ADAMTS19: variants seen among roughly 807,000 people sequenced by gnomAD.
ADAMTS19 encodes ADAM metallopeptidase with thrombospondin type 1 motif 19, also known as A disintegrin and metalloproteinase with thrombospondin motifs 19.
Under a neutral mutation model 153.3 loss-of-function variants are expected in ADAMTS19, and 93 were observed. That is an observed-to-expected ratio of 0.61 (90% CI 0.51 to 0.72). The LOEUF (loss-of-function observed/expected upper bound fraction) is 0.72. ADAMTS19 is among the 30% of genes least tolerant of loss of function. The pLI, the probability that ADAMTS19 is intolerant of heterozygous loss-of-function variation, is 0.00. For missense variants in ADAMTS19, 1,482 were observed against 1,552.1 expected, an observed-to-expected ratio of 0.95 and a Z score of 0.76; for synonymous variants, 600 against 556.6, an observed-to-expected ratio of 1.08 and a Z score of -1.10.
At chr5:129,487,605 G>C (rs1431700315) in intron 2 of ADAMTS19, among the ~76,000 whole-genome samples, 1 of 151,954 alleles carries the variant, frequency 6.6e-6, no homozygotes, top group Non-Finnish European at 1.5e-5. Flanking sequence ...ATATATATGT[G>C]TGCTAATTAA....
At chr5:129,592,377 C>CAAAA (rs1169388973) in intron 7 of ADAMTS19, among the ~76,000 whole-genome samples, 94 of 79,564 alleles carry the variant, frequency 1.2e-3, no homozygotes, top group Middle Eastern at 0.011. Flanking sequence ...GTCTCCGTTT[C>CAAAA]AAAAAAAAAA....
chr5:129,533,616 T>C (rs6890915), intron 6 of ADAMTS19, among the ~76,000 whole-genome samples: 1,556 of 152,296 alleles, frequency 0.01, 20 homozygotes, highest in African/African-American at 0.034. Context: ...CTGATCTTAG[T>C]TATTTCTTGC....
intron 2 of ADAMTS19, among the ~76,000 whole-genome samples, chr5:129,482,385 G>A (rs1013193767): frequency 6.6e-6 from 1 of 152,118 alleles, no homozygotes; most frequent in African/African-American, 2.4e-5. Flanking sequence ...TAAGGAGTCA[G>A]TTTGAATTAC....
chr5:129,523,639 C>T (rs1751901903), intron 3 of ADAMTS19, among the ~76,000 whole-genome samples: 1 of 152,118 alleles, frequency 6.6e-6, no homozygotes, highest in South Asian at 2.1e-4. Context: ...GCACCATGTG[C>T]ATACAGGAAA....
intron 21 of ADAMTS19, among the ~76,000 whole-genome samples, chr5:129,712,574 A>G (rs1244626209): frequency 6.6e-6 from 1 of 152,134 alleles, no homozygotes; most frequent in Non-Finnish European, 1.5e-5. Flanking sequence ...TGCACTAAAG[A>G]GAATGGATTT....
In ADAMTS19 at chr5:129,706,129, C is replaced by T. The variant is rs185811238; in HGVS notation, c.3312+1738C>T. Reference sequence around the variant, plus strand: ...AGGGCAGGGAAAATCACCTGTTGCTCCCTTTCCATTGTAGGAACTCATTTG... The same window carrying T: ...AGGGCAGGGAAAATCACCTGTTGCTTCCTTTCCATTGTAGGAACTCATTTG... On this transcript the variant is annotated intron_variant, in intron 21 of 22. Coordinates refer to ENST00000274487, the MANE Select transcript of ADAMTS19 (RefSeq NM_133638.6). 6.6e-5 allele frequency among the ~76,000 whole-genome samples: 10 copies of T among 152,212 alleles called. No individual in the cohort carries two copies. In the East Asian group the frequency reaches 1.9e-3, roughly 29 times the overall value.
intron 21 of ADAMTS19, among the ~76,000 whole-genome samples, chr5:129,714,933 T>G (rs1313885162): frequency 1.3e-5 from 2 of 152,212 alleles, no homozygotes; most frequent in Non-Finnish European, 2.9e-5. Context: ...GTTATAGAAC[T>G]CATGATGCTA....
intron 13 of ADAMTS19, among the ~76,000 whole-genome samples, chr5:129,653,723 A>G (rs1448272414): frequency 6.6e-6 from 1 of 152,176 alleles, no homozygotes; most frequent in East Asian, 1.9e-4. Flanking sequence ...TTTTTTACAA[A>G]TGCAATTCTT....
intron 7 of ADAMTS19, among the ~76,000 whole-genome samples, chr5:129,595,217 T>G (rs567265942): frequency 1.3e-5 from 2 of 152,234 alleles, no homozygotes; most frequent in South Asian, 4.1e-4. Context: ...ACTTCAGATA[T>G]ACTTTCAGCT....
At chr5:129,566,966 T>C (rs1753738814) in intron 7 of ADAMTS19, among the ~76,000 whole-genome samples, 1 of 34,528 alleles carries the variant, frequency 2.9e-5, no homozygotes, top group Non-Finnish European at 6.9e-5. Flanking sequence ...CCATACTTTC[T>C]GAAAGCAGGA....
chr5:129,644,077 A>T (rs888010280), intron 11 of ADAMTS19, among the ~76,000 whole-genome samples: 2 of 152,204 alleles, frequency 1.3e-5, no homozygotes, highest in Non-Finnish European at 2.9e-5. Flanking sequence ...ATATAAACAT[A>T]ATTTGCAATC....
In ADAMTS19 at chr5:129,687,969, C is replaced by G. The variant is rs1218944293; in HGVS notation, c.2818+3696C>G. ...CTATATGATTTGTGCTTGAATAGATCTCCTCTTCCAACTCTGCTCCATTGT... is the reference window on the plus strand; with the variant it reads ...CTATATGATTTGTGCTTGAATAGATGTCCTCTTCCAACTCTGCTCCATTGT... On this transcript the variant is annotated intron_variant, in intron 18 of 22. Coordinates refer to ENST00000274487, the MANE Select transcript of ADAMTS19 (RefSeq NM_133638.6). 2.6e-5 allele frequency: 4 copies of G among 152,152 alleles called. No individual in the cohort carries two copies. The East Asian group carries it at 7.7e-4, about 29-fold the overall frequency. 9.4% of individuals were successfully genotyped at this position (152,152 alleles called of 1,614,324 possible). A position where few individuals can be genotyped will look rare whatever the true frequency, so the allele number is the denominator to read the frequency against.
At chr5:129,469,715 T>C (rs748945446) in intron 2 of ADAMTS19, among the ~76,000 whole-genome samples, 1 of 152,226 alleles carries the variant, frequency 6.6e-6, no homozygotes, top group Non-Finnish European at 1.5e-5. Context: ...TCAAGGTGTT[T>C]ACAGTTTTGA....
intron 15 of ADAMTS19, among the ~76,000 whole-genome samples, chr5:129,664,870 A>C (rs898048347): frequency 6.6e-6 from 1 of 152,070 alleles, no homozygotes; most frequent in Non-Finnish European, 1.5e-5. Context: ...ATATCCCTAC[A>C]TCTGCTGAAA....
Position 129,738,673 on chromosome 5 carries a change from T to G in ADAMTS19, c.*1455T>G, listed in dbSNP as rs2149541641. The G allele has an allele frequency of 6.6e-6, 1 of 152,142 alleles. No individual in the cohort carries two copies. The highest frequency in any genetic ancestry group is 6.6e-5 in the Admixed American group (1 of 15,254). 9.4% of individuals were successfully genotyped at this position (152,142 alleles called of 1,614,324 possible). Reference sequence around the variant, plus strand: ...TATCGCTGTGAGTAATAAAGTCCTTTGTGTCTAATGCAGGAGTCTCATGTC... The same window carrying G: ...TATCGCTGTGAGTAATAAAGTCCTTGGTGTCTAATGCAGGAGTCTCATGTC... On this transcript the variant is annotated 3_prime_UTR_variant, in exon 23 of 23. Coordinates refer to ENST00000274487, the MANE Select transcript of ADAMTS19 (RefSeq NM_133638.6).
intron 4 of ADAMTS19, among the ~76,000 whole-genome samples, chr5:129,527,311 G>T (rs1237882719): frequency 6.6e-6 from 1 of 150,934 alleles, no homozygotes; most frequent in African/African-American, 2.4e-5. Flanking sequence ...GCTGATGTAA[G>T]GATAAATATA....
intron 2 of ADAMTS19, among the ~76,000 whole-genome samples, chr5:129,498,983 C>T (rs1581010116): frequency 6.6e-6 from 1 of 151,842 alleles, no homozygotes; most frequent in East Asian, 1.9e-4. Flanking sequence ...CAATTACTTG[C>T]CTACTGCTGC....
intron 13 of ADAMTS19, among the ~76,000 whole-genome samples, chr5:129,653,433 A>C (rs564219871): frequency 6.6e-6 from 1 of 152,300 alleles, no homozygotes; most frequent in African/African-American, 2.4e-5. Flanking sequence ...CCACTTTCTG[A>C]GCCTAAAAGG....
chr5:129,501,934 A>G (rs778282303), intron 2 of ADAMTS19, among the ~76,000 whole-genome samples: 4 of 152,122 alleles, frequency 2.6e-5, no homozygotes, highest in African/African-American at 7.2e-5. Context: ...GAGAGGTGGC[A>G]CTAGTTTGGA....
Sources: gnomAD v4.1 joint callset for allele counts (sites outside exome capture counted in the v4.1 genomes callset) on GRCh38, gnomAD v4.1.1 for gene constraint, MANE v1.5 for transcripts, NCBI Gene and HGNC (gene_info 2026-07-23, HGNC 2026-07-21) for gene names.